The following RBFOX1 variants were observed in gnomAD, a reference collection of about 807,000 sequenced individuals.
RBFOX1 encodes the protein RNA binding protein fox-1 homolog 1.
Under a neutral mutation model 57.7 loss-of-function variants are expected in RBFOX1, and 8 were observed. The ratio of observed to expected loss-of-function variants is 0.14; its 90% confidence interval spans 0.08 to 0.25. The LOEUF (loss-of-function observed/expected upper bound fraction) is 0.25, where lower values mean the gene tolerates loss of function less well. Among genes scored for constraint, RBFOX1 ranks in the 10% least tolerant of loss-of-function variants. The pLI, the probability that RBFOX1 is intolerant of heterozygous loss-of-function variation, is 1.00. For synonymous variants in RBFOX1, 326 were observed against 222.4 expected (o/e 1.47, Z -4.15); for missense variants, 611 against 548.5 (o/e 1.11, Z -1.14).
chr16:7,065,041 GA>G (rs1174487269), intron 4 of RBFOX1, among the ~76,000 whole-genome samples: 75 of 152,310 alleles, frequency 4.9e-4, no homozygotes, highest in Admixed American at 4.7e-3. Flanking sequence ...GATATGGATG[GA>G]GAAAGGAACA....
At chr16:7,536,464 C>T (rs887010904) in intron 5 of RBFOX1, among the ~76,000 whole-genome samples, 1 of 152,134 alleles carries the variant, frequency 6.6e-6, no homozygotes, top group African/African-American at 2.4e-5. Flanking sequence ...TGTGGTGCTG[C>T]ACACCTGTAA....
intron 5 of RBFOX1, among the ~76,000 whole-genome samples, chr16:7,519,995 C>T (rs1230064017): frequency 1.3e-5 from 2 of 152,164 alleles, no homozygotes; most frequent in East Asian, 3.9e-4. Context: ...ACGCCATTCT[C>T]CTGCCTCAGT....
At chr16:7,242,122 C>T (rs149750542) in intron 4 of RBFOX1, among the ~76,000 whole-genome samples, 1 of 151,928 alleles carries the variant, frequency 6.6e-6, no homozygotes, top group Non-Finnish European at 1.5e-5. Flanking sequence ...TGTTGAGAAC[C>T]CCTGCTTATT....
At chr16:5,683,838 G>A (rs1394829122) in intron 3 of RBFOX1, among the ~76,000 whole-genome samples, 2 of 148,580 alleles carry the variant, frequency 1.3e-5, no homozygotes, top group Non-Finnish European at 3.0e-5. Flanking sequence ...TATATTATAT[G>A]TAAATTATGT....
chr16:6,312,502 G>C (rs1324233885), intron 1 of RBFOX1, among the ~76,000 whole-genome samples: 2 of 152,132 alleles, frequency 1.3e-5, no homozygotes, highest in African/African-American at 4.8e-5. Context: ...CGTCTGTTCT[G>C]AACATAGCAC....
chr16:7,381,567 G>T (rs1457381248), intron 4 of RBFOX1, among the ~76,000 whole-genome samples: 1 of 151,118 alleles, frequency 6.6e-6, no homozygotes, highest in Admixed American at 6.6e-5. Context: ...ACCCTAAAAA[G>T]AGGATTTGTT....
chr16:7,336,014 C>T (rs139335509), intron 4 of RBFOX1, among the ~76,000 whole-genome samples: 244 of 152,272 alleles, frequency 1.6e-3, no homozygotes, highest in Non-Finnish European at 2.4e-3. Context: ...GCTGCTTTCC[C>T]CCTTGATAGA....
chr16:6,980,827 C>G (rs958672449), intron 3 of RBFOX1, among the ~76,000 whole-genome samples: 5 of 151,974 alleles, frequency 3.3e-5, no homozygotes, highest in African/African-American at 1.2e-4. Context: ...CGGATCACTT[C>G]AGGTCAGGAG....
intron 3 of RBFOX1, among the ~76,000 whole-genome samples, chr16:6,968,358 T>G (rs1489416920): frequency 6.6e-6 from 1 of 152,198 alleles, no homozygotes; most frequent in Admixed American, 6.5e-5. Flanking sequence ...CCTTCTTTTT[T>G]CTTCACTTAT....
At chr16:7,663,450 C>G (rs1167020556) in intron 12 of RBFOX1, among the ~76,000 whole-genome samples, 2 of 152,066 alleles carry the variant, frequency 1.3e-5, no homozygotes, top group African/African-American at 4.8e-5. Flanking sequence ...AAGCAGCACA[C>G]TAGAGTGTTC....
At chr16:7,127,237 A>T (rs995054714) in intron 4 of RBFOX1, among the ~76,000 whole-genome samples, 4 of 152,158 alleles carry the variant, frequency 2.6e-5, no homozygotes, top group Non-Finnish European at 5.9e-5. Flanking sequence ...AGCATTCTCC[A>T]TACTTTCCTG....
chr16:5,911,012 T>C lies in RBFOX1; in HGVS notation c.351+43677T>C, dbSNP rs117617905. Among the ~76,000 whole-genome samples, 1,405 of 152,290 alleles carry C rather than the reference T, an allele frequency of 9.2e-3. 14 individuals are homozygous for C. Among genetic ancestry groups the C allele is most frequent in the Non-Finnish European group, 0.014 (973 of 68,026 alleles). On this transcript the variant is annotated intron_variant, in intron 4 of 19. Coordinates refer to the RBFOX1 transcript ENST00000641259. The stretch of plus-strand genomic sequence containing the variant: ...AATAATGCAAATCATGCCCCCTTTC[T>C]CACCTCTCTTATCTGTAATCATACC...
At chr16:5,638,211 A>T (rs1318423540) in intron 3 of RBFOX1, among the ~76,000 whole-genome samples, 1 of 152,240 alleles carries the variant, frequency 6.6e-6, no homozygotes, top group Non-Finnish European at 1.5e-5. Flanking sequence ...GTAGCTAAGA[A>T]GAGTGAGGTT....
intron 3 of RBFOX1, among the ~76,000 whole-genome samples, chr16:6,986,456 C>A (rs886172710): frequency 1.3e-5 from 2 of 152,140 alleles, no homozygotes; most frequent in African/African-American, 4.8e-5. Context: ...GCCTCAGCCT[C>A]CCAAAGTGCT....
rs185532511 is a variant in RBFOX1, at chr16:6,082,470, C to T, written c.-127+62478C>T. Among the ~76,000 whole-genome samples, 345 of 150,146 alleles carry T rather than the reference C, an allele frequency of 2.3e-3. 2 individuals are homozygous for T. Among genetic ancestry groups the T allele is most frequent in the African/African-American group, 7.4e-3 (303 of 40,858 alleles). On this transcript the variant is annotated intron_variant, in intron 1 of 15. Transcript: ENST00000550418. ...AGGTTTGAGCCACCGTGCCCAGCCT[C>T]CAGTGCATTTTAGGCACTATGCTTT...
At chr16:6,198,303 G>C (rs574535879) in intron 1 of RBFOX1, among the ~76,000 whole-genome samples, 1 of 152,278 alleles carries the variant, frequency 6.6e-6, no homozygotes, top group African/African-American at 2.4e-5. Context: ...AAAGGAGAAA[G>C]AATCAGCAAG....
intron 2 of RBFOX1, among the ~76,000 whole-genome samples, chr16:6,505,022 A>T (rs946164448): frequency 4.6e-5 from 7 of 152,176 alleles, no homozygotes; most frequent in Non-Finnish European, 8.8e-5. Flanking sequence ...GCAGTGAGCC[A>T]AGATTGTGCT....
intron 4 of RBFOX1, among the ~76,000 whole-genome samples, chr16:7,127,554 C>T (rs1022006335): frequency 5.3e-5 from 8 of 152,130 alleles, no homozygotes; most frequent in South Asian, 2.1e-4. Flanking sequence ...TGTGTATGCA[C>T]GAGCGTGCAT....
At chr16:6,766,452 C>G (rs963805745) in intron 3 of RBFOX1, among the ~76,000 whole-genome samples, 2 of 151,998 alleles carry the variant, frequency 1.3e-5, no homozygotes, top group African/African-American at 4.8e-5. Context: ...CTAGTACAGT[C>G]ACATGCCCTT....
Sources: allele counts gnomAD v4.1 joint callset (sites outside exome capture counted in the v4.1 genomes callset), GRCh38; gene constraint gnomAD v4.1.1; transcripts MANE v1.5; gene names NCBI Gene and HGNC (gene_info 2026-07-23, HGNC 2026-07-21).